TRAPPC13: variants seen among roughly 807,000 people sequenced by gnomAD.
TRAPPC13 encodes REV7-interacting novel NHEJ regulator 1.
In TRAPPC13, 39 loss-of-function variants were observed where a neutral mutation model predicts 54.0. The ratio of observed to expected loss-of-function variants is 0.72; its 90% CI spans 0.56 to 0.94. The LOEUF (loss-of-function observed/expected upper bound fraction) is 0.94, where lower values mean the gene tolerates loss of function less well. Ranked by LOEUF, TRAPPC13 falls within the 40% of genes least tolerant of loss-of-function variation. The probability of loss-of-function intolerance (pLI) is 0.00; values close to 1 mark genes in which losing one functional copy is unlikely to be tolerated. For synonymous variants in TRAPPC13, 148 were observed against 167.7 expected, an observed-to-expected ratio of 0.88 and a Z score of 0.91; for missense variants, 386 against 488.1, an observed-to-expected ratio of 0.79 and a Z score of 1.97.
intron 4 of TRAPPC13, among the ~76,000 whole-genome samples, chr5:65,644,250 G>A (rs184729082): frequency 1.3e-5 from 2 of 152,016 alleles, no homozygotes; most frequent in South Asian, 2.1e-4. Flanking sequence ...TTCAATATGG[G>A]TCTGCAACCT....
At chr5:65,652,785 TCTC>T (rs1756516924) in intron 7 of TRAPPC13, 1 of 495,964 alleles carries the variant, frequency 2.0e-6, no homozygotes, top group Non-Finnish European at 3.6e-6. Context: ...AAGGCTTTCA[TCTC>T]CTTTCGTTAA....
chr5:65,659,976 A>C (rs1037113925), intron 9 of TRAPPC13, among the ~76,000 whole-genome samples: 5 of 146,062 alleles, frequency 3.4e-5, no homozygotes, highest in Non-Finnish European at 7.4e-5. Flanking sequence ...ACAAAAAAAA[A>C]AAAAAAAAAA....
At chr5:65,629,426 T>C in intron 1 of TRAPPC13, 1 of 1,312,216 alleles carries the variant, frequency 7.6e-7, no homozygotes, top group Non-Finnish European at 9.7e-7. Flanking sequence ...GTAGGCAGGG[T>C]ATCCCTACCA....
intron 7 of TRAPPC13, among the ~76,000 whole-genome samples, chr5:65,653,513 A>G (rs1756549221): frequency 6.6e-6 from 1 of 152,192 alleles, no homozygotes; most frequent in Non-Finnish European, 1.5e-5. Flanking sequence ...AGGAGAAAAG[A>G]AAAAATGCAT....
At chr5:65,630,103 A>G (rs1341391336) in intron 1 of TRAPPC13, 4 of 1,535,992 alleles carry the variant, frequency 2.6e-6, no homozygotes, top group African/African-American at 2.7e-5. Flanking sequence ...GGACAATAGA[A>G]CACACTATTT....
chr5:65,626,378 G>A (rs116474939), intron 1 of TRAPPC13, among the ~76,000 whole-genome samples: 1,723 of 152,254 alleles, frequency 0.011, 22 homozygotes, highest in South Asian at 0.035. Flanking sequence ...CAGCTACTCC[G>A]ATGGGAATTT....
intron 5 of TRAPPC13, among the ~76,000 whole-genome samples, chr5:65,648,618 T>C (rs166329): frequency 0.55 from 83,307 of 151,934 alleles, 23,500 homozygotes; most frequent in Non-Finnish European, 0.62. Flanking sequence ...CTATTCTTAC[T>C]GTGAGCACTT....
At chr5:65,631,657 A>G (rs934244635) in intron 1 of TRAPPC13, among the ~76,000 whole-genome samples, 3 of 152,204 alleles carry the variant, frequency 2.0e-5, no homozygotes, top group African/African-American at 7.2e-5. Flanking sequence ...TTGGCTTAGG[A>G]TAATGGCCTC....
intron 1 of TRAPPC13, among the ~76,000 whole-genome samples, chr5:65,633,533 G>T (rs1450608363): frequency 6.6e-6 from 1 of 152,134 alleles, no homozygotes; most frequent in Non-Finnish European, 1.5e-5. Flanking sequence ...CTCCCAAAGT[G>T]CTGGGATTAC....
intron 9 of TRAPPC13, among the ~76,000 whole-genome samples, chr5:65,659,091 T>C (rs1245971147): frequency 6.6e-6 from 1 of 152,200 alleles, no homozygotes. Context: ...CTAACTAATG[T>C]CTATAATTTA....
At chr5:65,634,975 AT>A in intron 1 of TRAPPC13, 1 of 897,026 alleles carries the variant, frequency 1.1e-6, no homozygotes, top group Non-Finnish European at 1.3e-6. Context: ...ATCACTTAGA[AT>A]TTTTTTAAAG....
chr5:65,659,967 C>CAAAAAAAAAA (rs141876171), intron 9 of TRAPPC13, among the ~76,000 whole-genome samples: 16 of 95,224 alleles, frequency 1.7e-4, no homozygotes, highest in African/African-American at 3.0e-4. Context: ...GTATTTTAAA[C>CAAAAAAAAAA]AAAAAAAAAA....
At chr5:65,625,200 A>T in intron 1 of TRAPPC13, 94 bp downstream of exon 1, 1 of 1,060,138 alleles carries the variant, frequency 9.4e-7, no homozygotes, top group Admixed American at 1.7e-5. Context: ...CTTCTTAAAC[A>T]CTCAGTGCTC....
chr5:65,629,202 A>G (rs1755407742), intron 1 of TRAPPC13, among the ~76,000 whole-genome samples: 1 of 152,142 alleles, frequency 6.6e-6, no homozygotes, highest in South Asian at 2.1e-4. Flanking sequence ...GATACTTCCA[A>G]GTCCTTTATA....
At position 65,664,369 on chromosome 5, in the gene TRAPPC13, A is replaced by T. The variant is rs1423258793; in HGVS notation, c.1131A>T (p.Ser377=). The T allele has an allele frequency of 2.5e-6, 4 of 1,613,304 alleles. No homozygotes were observed. In the African/African-American group the frequency reaches 4.0e-5, roughly 16 times the overall value. The change falls in exon 12 of 13, where the codon TCA becomes TCT. Residue 377 remains serine (S), a synonymous_variant. Transcript: ENST00000399438. ...SLCLALTLLS[S]VQGLQSISGL... ...GTCTTGCCCTTACTCTGCTTTCTTC[A>T]GTACAGGGACTGCAAGTATGCTGTC...
chr5:65,632,546 G>A (rs1211475516), intron 1 of TRAPPC13, among the ~76,000 whole-genome samples: 1 of 152,092 alleles, frequency 6.6e-6, no homozygotes, highest in Non-Finnish European at 1.5e-5. Context: ...TTTCAACAGA[G>A]TGAAATCACC....
intron 4 of TRAPPC13, among the ~76,000 whole-genome samples, 191 bp from the exon 5 acceptor site, chr5:65,646,864 G>T (rs1475686264): frequency 1.3e-5 from 2 of 151,678 alleles, no homozygotes; most frequent in South Asian, 4.2e-4. Flanking sequence ...TTTGGGGTTG[G>T]GGGGGTGTGC....
intron 9 of TRAPPC13, among the ~76,000 whole-genome samples, chr5:65,659,460 C>T (rs2150691435): frequency 6.6e-6 from 1 of 152,166 alleles, no homozygotes; most frequent in Admixed American, 6.5e-5. Context: ...AATATGAATC[C>T]TATCATTGCT....
chr5:65,664,897 G>T lies in TRAPPC13; in HGVS notation c.*286G>T, dbSNP rs555001171. 5.2e-6 allele frequency: 2 copies of T among 385,594 alleles called. No homozygotes were observed. Among genetic ancestry groups the T allele is most frequent in the Non-Finnish European group, 9.3e-6 (2 of 214,464 alleles). The allele number at this position is 385,594 out of a possible 1,614,324, so 23.9% of individuals were successfully genotyped here. On this transcript the variant is annotated 3_prime_UTR_variant, in exon 13 of 13. Coordinates refer to ENST00000399438, the MANE Select transcript of TRAPPC13 (RefSeq NM_024941.4). ...AAAAGCTGTGTATCTGAGACCATTT[G>T]TCCCTAGCAAGTTATCTAGAACACG...
Sources: gnomAD v4.1 joint callset for allele counts (sites outside exome capture counted in the v4.1 genomes callset) on GRCh38, gnomAD v4.1.1 for gene constraint, MANE v1.5 for transcripts, NCBI Gene and HGNC (gene_info 2026-07-23, HGNC 2026-07-21) for gene names.